The following SLC19A1 variants were observed in gnomAD, a reference collection of about 807,000 sequenced individuals.
SLC19A1 encodes reduced folate transporter.
A neutral mutation model predicts 35.3 loss-of-function variants in SLC19A1; 37 were observed. The ratio of observed to expected loss-of-function variants is 1.05; its 90% confidence interval spans 0.81 to 1.38. SLC19A1 has a LOEUF of 1.38. Ranked by LOEUF, SLC19A1 falls within the 40% of genes most tolerant of loss-of-function variation. The pLI, the probability that SLC19A1 is intolerant of heterozygous loss-of-function variation, is 0.00. For missense variants in SLC19A1, 831 were observed against 826.9 expected, an observed-to-expected ratio of 1.00 and a Z score of -0.06; for synonymous variants, 460 against 398.5, an observed-to-expected ratio of 1.15 and a Z score of -1.84.
chr21:45,505,114 T>C lies in SLC19A1; in HGVS notation c.498-6502A>G, dbSNP rs2037113365. On this transcript the variant is annotated intron_variant, in intron 3 of 4. Transcript: ENST00000417954. ...CAGGGCACGAGGTAACCAGGAAGCG[T>C]CTCTTGTCGCCGTCCGTAGGGTCCC... 1 of 1,605,380 alleles carries C rather than the reference T, an allele frequency of 6.2e-7. No individual in the cohort carries two copies. The highest frequency in any genetic ancestry group is 1.1e-5 in the South Asian group (1 of 90,398).
At chr21:45,510,974 CA>C, downstream of SLC19A1, 10 of 19,798 alleles carry the variant, frequency 5.1e-4, 2 homozygotes, top group African/African-American at 2.8e-3. Flanking sequence ...CACCCCCAAA[CA>C]CCCCCCACAC....
intron 1 of SLC19A1, among the ~76,000 whole-genome samples, chr21:45,560,267 C>T (rs1036367375): frequency 6.6e-6 from 1 of 152,250 alleles, no homozygotes; most frequent in Non-Finnish European, 1.5e-5. Context: ...GGGACGTGCC[C>T]ACGGCTCAAT....
At chr21:45,538,137 C>T (rs559137429) in intron 1 of SLC19A1, 129 bp from the exon 2 acceptor site, 4 of 529,718 alleles carry the variant, frequency 7.6e-6, no homozygotes, top group African/African-American at 5.8e-5. Flanking sequence ...CGAATGCAGA[C>T]CCCAGACCCA....
chr21:45,516,385 C>G (rs912942110), intron 5 of SLC19A1, among the ~76,000 whole-genome samples: 1 of 152,204 alleles, frequency 6.6e-6, no homozygotes, highest in Admixed American at 6.5e-5. Flanking sequence ...CCCCTCGGAA[C>G]CTGGCAGGTG....
At chr21:45,526,092 C>T (rs1173847841) in intron 4 of SLC19A1, 134 bp from the exon 5 acceptor site, 24 of 864,276 alleles carry the variant, frequency 2.8e-5, no homozygotes, top group Admixed American at 1.8e-4. Flanking sequence ...CGCACAAGCC[C>T]CCCACCAGGC....
chr21:45,510,340 C>T, downstream of SLC19A1: 1 of 1,447,224 alleles, frequency 6.9e-7, no homozygotes. Flanking sequence ...CGGGGAGCTC[C>T]CCTCTAGGGC....
chr21:45,510,363 C>A, downstream of SLC19A1: 1 of 1,307,158 alleles, frequency 7.7e-7, no homozygotes, highest in African/African-American at 1.5e-5. Context: ...CTGGAGGCCA[C>A]CATGTTACAG....
At position 45,504,919 on chromosome 21, in the gene SLC19A1, A is replaced by AGGTCTCT. The variant is rs77274715; in HGVS notation, c.498-6314_498-6308dup. The stretch of plus-strand genomic sequence containing the variant: ...CTGCCTGGGGGCCCACACTGTTGTC[A>AGGTCTCT]GGTCTCTGCTGGTCTCTCCCCCGGG... On this transcript the variant is annotated intron_variant, in intron 3 of 4. Coordinates refer to the SLC19A1 transcript ENST00000417954. 0.47 allele frequency among the ~76,000 whole-genome samples: 71,079 copies of AGGTCTCT among 151,304 alleles called. 18,066 individuals are homozygous for AGGTCTCT. The highest frequency in any genetic ancestry group is 0.67 in the African/African-American group (27,580 of 41,186).
At chr21:45,527,752 G>A (rs1474314968) in intron 4 of SLC19A1, among the ~76,000 whole-genome samples, 1 of 106,486 alleles carries the variant, frequency 9.4e-6, no homozygotes, top group Non-Finnish European at 2.0e-5. Flanking sequence ...AGTGGCAGCA[G>A]GGCAGGGTGG....
chr21:45,526,083 G>A lies in SLC19A1; in HGVS notation c.1152-125C>T, dbSNP rs528357371. On this transcript the variant is annotated intron_variant, in intron 4 of 5. Transcript: ENST00000311124. ...CGGCAGCCACGGGGTCCCAGGGCAC[G>A]CACAAGCCCCCCACCAGGCCCCCAT... 20 of 996,016 alleles carry A rather than the reference G, an allele frequency of 2.0e-5. No homozygotes were observed. In the African/African-American group the frequency reaches 2.3e-4, roughly 11 times the overall value. The allele number at this position is 996,016 out of a possible 1,614,324, so 61.7% of individuals were successfully genotyped here.
downstream of SLC19A1, chr21:45,507,598 G>A (rs1158033492): frequency 1.1e-5 from 18 of 1,613,050 alleles, no homozygotes; most frequent in Middle Eastern, 5.0e-4. Flanking sequence ...GGGACGGTAA[G>A]GAGCCTTTTT....
upstream of SLC19A1, among the ~76,000 whole-genome samples, chr21:45,545,642 C>T (rs1270273947): frequency 5.9e-5 from 9 of 152,012 alleles, no homozygotes; most frequent in East Asian, 1.9e-4. Flanking sequence ...GATACAGAGA[C>T]GTAAACATAC....
In SLC19A1 at chr21:45,515,418, T is replaced by A; in HGVS notation, c.*240A>T. On this transcript the variant is annotated 3_prime_UTR_variant, in exon 6 of 6. Transcript: ENST00000311124. ...TGGACGCAGAAGCCCACCACCCACC[T>A]CTTCCAGCAACAAAGCCCGCGGGGC... 2 of 1,406,668 alleles carry A rather than the reference T, an allele frequency of 1.4e-6. No homozygotes were observed. Among genetic ancestry groups the A allele is most frequent in the South Asian group, 3.0e-5 (2 of 67,154 alleles). 87.1% of individuals were successfully genotyped at this position (1,406,668 alleles called of 1,614,324 possible).
intron 1 of SLC19A1, among the ~76,000 whole-genome samples, chr21:45,560,905 C>T (rs977190492): frequency 3.3e-5 from 5 of 152,250 alleles, no homozygotes; most frequent in Admixed American, 2.0e-4. Context: ...GGCGCTCTCA[C>T]GGCTGGCGGA....
intron 1 of SLC19A1, among the ~76,000 whole-genome samples, chr21:45,560,682 A>C (rs2146519225): frequency 6.6e-6 from 1 of 152,368 alleles, no homozygotes; most frequent in African/African-American, 2.4e-5. Flanking sequence ...TGAAGGACCA[A>C]GAAGAGGAAT....
rs2077905491 is a variant in SLC19A1 at position 45,531,558 on chromosome 21, G to A, written c.780C>T (p.Asp260=). The A allele has an allele frequency of 1.2e-6, 2 of 1,612,434 alleles. No homozygotes were observed. Among genetic ancestry groups the A allele is most frequent in the Non-Finnish European group, 1.7e-6 (2 of 1,179,702 alleles). The part of the protein sequence containing the change: ...VLARMLRELG[D]SLRRPQLRLW... ...GGCGCAGCTGCGGCCGCCGCAGGCT[G>A]TCCCCCAGCTCCCGCAGCATCCGCG... Residue 260 remains aspartate, a synonymous_variant, in exon 3 of 6, where the codon GAC becomes GAT. Transcript: ENST00000311124.
intron 5 of SLC19A1, among the ~76,000 whole-genome samples, chr21:45,523,518 C>CCCT (rs953666186): frequency 4.6e-5 from 7 of 152,210 alleles, no homozygotes. Context: ...CTGCTCCACC[C>CCCT]CCTGCACCAA....
At chr21:45,510,285 C>T (rs778772436), downstream of SLC19A1, 40 of 1,580,558 alleles carry the variant, frequency 2.5e-5, no homozygotes, top group East Asian at 1.2e-4. Context: ...GTCCTGAGGG[C>T]GCGGGCTCCT....
chr21:45,507,544 C>G (rs755505645), intron 3 of SLC19A1: 5 of 1,611,500 alleles, frequency 3.1e-6, no homozygotes, highest in South Asian at 2.2e-5. Flanking sequence ...CTGGGTGACC[C>G]TGCTGCTTTC....
Sources: gnomAD v4.1 joint callset for allele counts (sites outside exome capture counted in the v4.1 genomes callset) on GRCh38, gnomAD v4.1.1 for gene constraint, MANE v1.5 for transcripts, NCBI Gene and HGNC (gene_info 2026-07-23, HGNC 2026-07-21) for gene names.